EIF4E1B: variants seen among roughly 807,000 people sequenced by gnomAD.
EIF4E1B encodes eukaryotic translation initiation factor 4E type 1B.
A neutral mutation model predicts 31.3 loss-of-function variants in EIF4E1B; 22 were observed. That is an observed-to-expected ratio of 0.70 (90% CI 0.50 to 1.00). The LOEUF is 1.00. Among genes scored for constraint, EIF4E1B ranks in the 50% least tolerant of loss-of-function variants. The pLI, the probability that EIF4E1B is intolerant of heterozygous loss-of-function variation, is 0.00. For missense variants in EIF4E1B, 290 were observed against 311.6 expected (o/e 0.93, Z 0.52); for synonymous variants, 126 against 120.2 (o/e 1.05, Z -0.31).
At chr5:176,635,853 G>A (rs1760483510) in intron 1 of EIF4E1B, among the ~76,000 whole-genome samples, 2 of 151,946 alleles carry the variant, frequency 1.3e-5, no homozygotes, top group Admixed American at 1.3e-4. Flanking sequence ...GTCTAGCTCT[G>A]TTGCCCAGGC....
rs371775785 is a variant in EIF4E1B, at chr5:176,645,499, G to A, written c.597G>A (p.Ala199=). 20 of 1,518,038 alleles carry A rather than the reference G, an allele frequency of 1.3e-5. No individual in the cohort carries two copies. Among genetic ancestry groups the A allele is most frequent in the Middle Eastern group, 1.8e-4 (1 of 5,594 alleles). The allele number at this position is 1,518,038 out of a possible 1,614,324, so 94.0% of individuals were successfully genotyped here. A position where few individuals can be genotyped will look rare whatever the true frequency, so the allele number is the denominator to read the frequency against. ...GGACGAGGGAGGCGGAAAACCAGGC[G>A]GGCGTGCTGCACGTTGGGTGAGGAG... is the stretch of plus-strand genomic sequence containing the variant. ...AVWTREAENQ[A]GVLHVGRVYK... Residue 199 remains alanine, a synonymous_variant, in exon 8 of 9, where the codon GCG becomes GCA. Coordinates refer to ENST00000318682, the MANE Select transcript of EIF4E1B (RefSeq NM_001099408.2). This position sits in a 1 kb window ranked among gnomAD's most constrained non-coding sequence, Gnocchi z 5.4.
At chr5:176,642,683 G>A (rs1474680704) in intron 2 of EIF4E1B, 27 bp from the exon 3 acceptor site, 3 of 1,512,080 alleles carry the variant, frequency 2.0e-6, no homozygotes, top group African/African-American at 2.8e-5. Flanking sequence ...CTTCGAGCAG[G>A]CTCCAAATAT....
intron 1 of EIF4E1B, among the ~76,000 whole-genome samples, chr5:176,632,855 C>T (rs1373684156): frequency 6.6e-6 from 1 of 152,152 alleles, no homozygotes; most frequent in Non-Finnish European, 1.5e-5. Context: ...CAGATAATTG[C>T]TTTCTCAGTC....
rs1432975770 is a variant in EIF4E1B at position 176,630,879 on chromosome 5, A to G, written c.-387A>G. On this transcript the variant is annotated 5_prime_UTR_variant, in exon 1 of 9. Transcript: ENST00000318682. The stretch of plus-strand genomic sequence containing the variant: ...GGAATGGTTAATTCAACGAATGTTT[A>G]CTGAGCGCTTAGTCCAGTGGTGCAG... 1 of 152,268 alleles carries G rather than the reference A, an allele frequency of 6.6e-6. No homozygotes were observed. The highest frequency in any genetic ancestry group is 2.4e-5 in the African/African-American group (1 of 41,424). 9.4% of individuals were successfully genotyped at this position (152,268 alleles called of 1,614,324 possible).
chr5:176,636,700 T>G (rs1760498549), intron 1 of EIF4E1B, among the ~76,000 whole-genome samples: 1 of 152,256 alleles, frequency 6.6e-6, no homozygotes, highest in South Asian at 2.1e-4. Context: ...GGACATTTAC[T>G]GAACATCTGC....
At chr5:176,636,522 C>T (rs142133426) in intron 1 of EIF4E1B, among the ~76,000 whole-genome samples, 2,319 of 152,332 alleles carry the variant, frequency 0.015, 41 homozygotes, top group Non-Finnish European at 0.026. Flanking sequence ...TAAGTGGATC[C>T]TGGGGATTCC....
At chr5:176,637,165 G>A (rs1006787534) in intron 1 of EIF4E1B, among the ~76,000 whole-genome samples, 1 of 152,222 alleles carries the variant, frequency 6.6e-6, no homozygotes, top group African/African-American at 2.4e-5. Context: ...GGGGCTGGGC[G>A]TGGTGGCTCA....
rs1760703004 is a variant in EIF4E1B, at chr5:176,646,088, C to T, written c.*108C>T. On this transcript the variant is annotated 3_prime_UTR_variant, in exon 9 of 9. Transcript: ENST00000318682. Reference sequence around the variant, plus strand: ...TCAGACAGCCTAGTTCTTACCTGTCCTCAAGTGAACAGGAATGCAAACACT... The same window carrying T: ...TCAGACAGCCTAGTTCTTACCTGTCTTCAAGTGAACAGGAATGCAAACACT... The T allele has an allele frequency of 1.1e-5, 10 of 915,450 alleles. No individual in the cohort carries two copies. The South Asian group carries it at 1.6e-4, about 14-fold the overall frequency. The allele number at this position is 915,450 out of a possible 1,614,324, so 56.7% of individuals were successfully genotyped here.
intron 1 of EIF4E1B, among the ~76,000 whole-genome samples, chr5:176,640,620 C>T (rs561341725): frequency 1.3e-5 from 2 of 152,294 alleles, no homozygotes; most frequent in African/African-American, 4.8e-5. Flanking sequence ...TCAGTGTTTC[C>T]CCACACCTTC....
intron 1 of EIF4E1B, among the ~76,000 whole-genome samples, chr5:176,640,213 C>T (rs895941729): frequency 6.6e-6 from 1 of 152,206 alleles, no homozygotes; most frequent in Non-Finnish European, 1.5e-5. Flanking sequence ...ATGGAGAGGC[C>T]ACGCAGTGCC....
intron 1 of EIF4E1B, among the ~76,000 whole-genome samples, chr5:176,633,340 T>A (rs1449187937): frequency 6.6e-6 from 1 of 152,100 alleles, no homozygotes; most frequent in African/African-American, 2.4e-5. Context: ...CTCAAGTGAT[T>A]CTCTCATCTC....
intron 1 of EIF4E1B, among the ~76,000 whole-genome samples, chr5:176,632,161 C>T (rs1008919278): frequency 7.9e-5 from 12 of 152,180 alleles, no homozygotes; most frequent in African/African-American, 2.2e-4. Flanking sequence ...ATATTATATA[C>T]TAACATATAC....
intron 6 of EIF4E1B, chr5:176,644,703 A>G: frequency 1.9e-6 from 1 of 528,718 alleles, no homozygotes; most frequent in Non-Finnish European, 3.3e-6. Context: ...AGGGAAGGGC[A>G]TCAGAATTGC....
intron 1 of EIF4E1B, among the ~76,000 whole-genome samples, chr5:176,632,877 C>G (rs1003444313): frequency 2.0e-5 from 3 of 152,086 alleles, no homozygotes; most frequent in Admixed American, 1.3e-4. Flanking sequence ...TCCTTGCAGC[C>G]AGGACATGTG....
chr5:176,633,447 C>T (rs1225972150), intron 1 of EIF4E1B, among the ~76,000 whole-genome samples: 4 of 152,160 alleles, frequency 2.6e-5, no homozygotes, highest in Middle Eastern at 3.4e-3. Context: ...ATTTATTTTT[C>T]GTAGAGACAG....
chr5:176,636,096 C>T (rs1460716704), intron 1 of EIF4E1B, among the ~76,000 whole-genome samples: 1 of 152,216 alleles, frequency 6.6e-6, no homozygotes, highest in African/African-American at 2.4e-5. Flanking sequence ...GGATTACAGG[C>T]ATGAGCCACC....
intron 1 of EIF4E1B, among the ~76,000 whole-genome samples, chr5:176,632,791 G>T (rs767475515): frequency 4.6e-5 from 7 of 152,110 alleles, no homozygotes; most frequent in Non-Finnish European, 7.4e-5. Context: ...TGTTTAGAGG[G>T]GTCCCCCACC....
intron 1 of EIF4E1B, among the ~76,000 whole-genome samples, chr5:176,640,178 C>T (rs1329029222): frequency 3.9e-5 from 6 of 152,328 alleles, no homozygotes; most frequent in Admixed American, 6.5e-5. Flanking sequence ...CCAGCCACCA[C>T]GCCGGGAAGA....
chr5:176,642,870 C>CCCGGG, intron 3 of EIF4E1B, 68 bp downstream of exon 3: 1 of 1,426,042 alleles, frequency 7.0e-7, no homozygotes. Flanking sequence ...CCCCCCGCCC[C>CCCGGG]AGGTGGGCGG....
Sources: gnomAD v4.1 joint callset for allele counts (sites outside exome capture counted in the v4.1 genomes callset) on GRCh38, gnomAD v4.1.1 for gene constraint, Gnocchi (gnomAD v3.1) non-coding constraint, MANE v1.5 for transcripts, NCBI Gene and HGNC (gene_info 2026-07-23, HGNC 2026-07-21) for gene names.